Variants in MLLT10 observed in about 807,000 individuals in gnomAD.
The protein encoded by MLLT10 is protein AF-10.
Under a neutral mutation model 129.1 loss-of-function variants are expected in MLLT10, and 30 were observed. That is an observed-to-expected ratio of 0.23 (90% confidence interval 0.17 to 0.32). The LOEUF (loss-of-function observed/expected upper bound fraction) is 0.32, where lower values mean the gene tolerates loss of function less well. MLLT10 is among the 10% of genes least tolerant of loss of function. The pLI is 1.00. For missense variants in MLLT10, 1,119 were observed against 1,268.3 expected, an observed-to-expected ratio of 0.88 and a Z score of 1.79; for synonymous variants, 490 against 446.4, an observed-to-expected ratio of 1.10 and a Z score of -1.23.
At chr10:21,606,190 T>A (rs923205550) in intron 5 of MLLT10, among the ~76,000 whole-genome samples, 8 of 152,260 alleles carry the variant, frequency 5.3e-5, no homozygotes, top group Non-Finnish European at 1.0e-4. Context: ...CTCTCTCTAC[T>A]CTCCTTAGGC....
rs771536917 is a variant in MLLT10, at chr10:21,623,831, A to G, written c.699+6624A>G. The stretch of plus-strand genomic sequence containing the variant: ...ATTGTGAAGCTGTGTTTTCACAGAG[A>G]GTTTAAATGACTTGTTCGAAGGTCA... On this transcript the variant is annotated intron_variant, in intron 8 of 22. Transcript: ENST00000307729. 1.4e-3 allele frequency among the ~76,000 whole-genome samples: 210 copies of G among 152,318 alleles called. 1 individual carries two copies. Among genetic ancestry groups the G allele is most frequent in the Non-Finnish European group, 1.1e-3 (75 of 68,012 alleles).
chr10:21,673,923 G>C lies in MLLT10; in HGVS notation c.1621+4G>C, dbSNP rs371038661. ...GGCTCATCTCCAGTTGGTTCAGGTAGGGGTTTGCCTATTATTATTTTTCTC... is the reference window on the plus strand; with the variant it reads ...GGCTCATCTCCAGTTGGTTCAGGTACGGGTTTGCCTATTATTATTTTTCTC... On this transcript the variant is annotated splice_donor_region_variant and intron_variant, in intron 11 of 22. Transcript: ENST00000307729. 1.0e-5 allele frequency: 16 copies of C among 1,564,314 alleles called. No homozygotes were observed. The highest frequency in any genetic ancestry group is 1.2e-5 in the Non-Finnish European group (14 of 1,158,332).
intron 13 of MLLT10, 98 bp downstream of exon 13, chr10:21,682,355 A>G: frequency 8.2e-7 from 1 of 1,213,770 alleles, no homozygotes; most frequent in Non-Finnish European, 1.2e-6. Flanking sequence ...TATTGATTAG[A>G]TGAAATCCAG....
rs144837995 is a variant in MLLT10, at chr10:21,640,749, A to G, written c.700-10924A>G. ...TAATGGGTTGCCATTGCCTAACTCAAAAGACATGCAGAAATAAGAGAGACT... is the reference window on the plus strand; with the variant it reads ...TAATGGGTTGCCATTGCCTAACTCAGAAGACATGCAGAAATAAGAGAGACT... On this transcript the variant is annotated intron_variant, in intron 8 of 22. Coordinates refer to ENST00000307729, the MANE Select transcript of MLLT10 (RefSeq NM_001195626.3). Among the ~76,000 whole-genome samples the G allele has an allele frequency of 6.8e-4, 103 of 152,326 alleles. 1 individual carries two copies. The Middle Eastern group carries it at 0.014, about 20-fold the overall frequency.
At chr10:21,695,848 A>AC (rs1156401387) in intron 13 of MLLT10, among the ~76,000 whole-genome samples, 4,309 of 152,266 alleles carry the variant, frequency 0.028, 203 homozygotes, top group African/African-American at 0.097. Flanking sequence ...CTATAAATTC[A>AC]TATGGCAGAC....
chr10:21,640,299 AAT>A (rs1444804147), intron 8 of MLLT10, among the ~76,000 whole-genome samples: 3 of 144,570 alleles, frequency 2.1e-5, no homozygotes, highest in Admixed American at 7.1e-5. Flanking sequence ...TATATTATAT[AAT>A]ATATATGTAT....
At chr10:21,609,728 G>GT (rs1473167005) in intron 5 of MLLT10, among the ~76,000 whole-genome samples, 2 of 152,096 alleles carry the variant, frequency 1.3e-5, no homozygotes, top group African/African-American at 2.4e-5. Context: ...CCATTGTTTT[G>GT]TTTTTTCCCT....
intron 9 of MLLT10, among the ~76,000 whole-genome samples, chr10:21,661,315 C>A (rs2050179138): frequency 6.6e-6 from 1 of 152,182 alleles, no homozygotes; most frequent in Admixed American, 6.5e-5. Flanking sequence ...CAATTATATA[C>A]AGTTGATTGA....
At chr10:21,620,174 T>C (rs1030624002) in intron 8 of MLLT10, among the ~76,000 whole-genome samples, 3 of 152,100 alleles carry the variant, frequency 2.0e-5, no homozygotes, top group East Asian at 3.9e-4. Flanking sequence ...GTGATCCACC[T>C]GCCTCGGCCT....
intron 8 of MLLT10, among the ~76,000 whole-genome samples, chr10:21,638,268 G>GGGGCGC (rs1554827287): frequency 2.0e-5 from 2 of 102,518 alleles, no homozygotes; most frequent in African/African-American, 7.8e-5. Context: ...GGGGGGAGGG[G>GGGGCGC]GGCGGGGGCA....
At chr10:21,597,489 C>T (rs1012595566) in intron 5 of MLLT10, among the ~76,000 whole-genome samples, 5 of 152,158 alleles carry the variant, frequency 3.3e-5, no homozygotes, top group South Asian at 2.1e-4. Flanking sequence ...TGTGCCTCAG[C>T]GTCCCGAGTA....
At position 21,663,987 on chromosome 10, in the gene MLLT10, C is replaced by T. The variant is rs549644439; in HGVS notation, c.796-6462C>T. ...TTCTCTCTGCTCCTTATATGCTCAA[C>T]GAGAAACCAGAATTCCTAGTATAGG... On this transcript the variant is annotated intron_variant, in intron 9 of 22. Coordinates refer to ENST00000307729, the MANE Select transcript of MLLT10 (RefSeq NM_001195626.3). Among the ~76,000 whole-genome samples, 9 of 152,240 alleles carry T rather than the reference C, an allele frequency of 5.9e-5. No homozygotes were observed. The South Asian group carries it at 1.2e-3, about 21-fold the overall frequency.
At chr10:21,562,208 G>T (rs936570124) in intron 3 of MLLT10, among the ~76,000 whole-genome samples, 1 of 151,918 alleles carries the variant, frequency 6.6e-6, no homozygotes, top group African/African-American at 2.4e-5. Flanking sequence ...GCTATTTGAG[G>T]TCCCTTGAGA....
rs191174997 is a variant in MLLT10 at position 21,627,931 on chromosome 10, A to G, written c.699+10724A>G. 4.6e-5 allele frequency among the ~76,000 whole-genome samples: 7 copies of G among 152,268 alleles called. No individual in the cohort carries two copies. In the East Asian group the frequency reaches 7.7e-4, roughly 17 times the overall value. On this transcript the variant is annotated intron_variant, in intron 8 of 22. Transcript: ENST00000307729. ...ATGCAACTCATTAAATACATTTTCT[A>G]TTTTTCATGTTACCACAGGCAAGGT...
intron 13 of MLLT10, among the ~76,000 whole-genome samples, chr10:21,697,264 C>A (rs2054471422): frequency 6.6e-6 from 1 of 151,952 alleles, no homozygotes; most frequent in African/African-American, 2.4e-5. Context: ...GTCAGGAGTT[C>A]AAGACCAGCC....
intron 9 of MLLT10, among the ~76,000 whole-genome samples, chr10:21,660,194 T>C (rs1451991631): frequency 2.0e-5 from 3 of 151,638 alleles, no homozygotes; most frequent in Middle Eastern, 3.2e-3. Context: ...CTTGAACTCC[T>C]GGGCTTAAGC....
chr10:21,722,484 C>T (rs535038340), intron 14 of MLLT10, among the ~76,000 whole-genome samples: 2 of 152,024 alleles, frequency 1.3e-5, no homozygotes, highest in African/African-American at 4.8e-5. Flanking sequence ...TTTCTTATTC[C>T]AGTTTTTTTT....
chr10:21,713,834 A>C lies in MLLT10; in HGVS notation c.1762A>C (p.Ser588Arg), dbSNP rs750801733. ...FPNVVSGSGSSTPVSSSHLPQ... is the reference protein window; with the variant it reads ...FPNVVSGSGSRTPVSSSHLPQ... Reference sequence around the variant, plus strand: ...AAATGTAGTATCTGGCTCGGGATCTAGTACTCCTGTCTCCAGCTCTCACTT... The same window carrying C: ...AAATGTAGTATCTGGCTCGGGATCTCGTACTCCTGTCTCCAGCTCTCACTT... The change falls in exon 14 of 23, where the codon AGT (serine) becomes CGT (arginine). Residue 588 changes from serine to arginine, a missense_variant. Physicochemically the swap from Ser to Arg is moderately radical, Grantham distance 110 (BLOSUM62 -1). Transcript: ENST00000307729. 42 of 1,613,978 alleles carry C rather than the reference A, an allele frequency of 2.6e-5. No individual in the cohort carries two copies. The highest frequency in any genetic ancestry group is 3.4e-5 in the Non-Finnish European group (40 of 1,179,996).
intron 13 of MLLT10, among the ~76,000 whole-genome samples, chr10:21,696,741 C>T (rs1042274487): frequency 6.6e-6 from 1 of 152,038 alleles, no homozygotes; most frequent in Admixed American, 6.6e-5. Flanking sequence ...CGAGCCGCTG[C>T]TTTTCTCACT....
Sources: gnomAD v4.1 joint callset for allele counts (sites outside exome capture counted in the v4.1 genomes callset) on GRCh38, gnomAD v4.1.1 for gene constraint, MANE v1.5 for transcripts, NCBI Gene and HGNC (gene_info 2026-07-23, HGNC 2026-07-21) for gene names.